ST6GAL2: variants seen among roughly 807,000 people sequenced by gnomAD.
ST6GAL2 encodes the protein beta-galactoside alpha-2,6-sialyltransferase 2.
Under a neutral mutation model 37.5 loss-of-function variants are expected in ST6GAL2, and 24 were observed. That is an observed-to-expected ratio of 0.64 (90% CI 0.46 to 0.90). The LOEUF is 0.90. Ranked by LOEUF, ST6GAL2 falls within the 40% of genes least tolerant of loss-of-function variation. ST6GAL2 has a pLI of 0.00. For synonymous variants in ST6GAL2, 306 were observed against 295.1 expected, an observed-to-expected ratio of 1.04 and a Z score of -0.38; for missense variants, 715 against 712.7, an observed-to-expected ratio of 1.00 and a Z score of -0.04.
intron 5 of ST6GAL2, among the ~76,000 whole-genome samples, chr2:106,824,380 C>G (rs2104448688): frequency 6.6e-6 from 1 of 152,310 alleles, no homozygotes; most frequent in East Asian, 1.9e-4. Context: ...TGCCTGTAAT[C>G]CCAGCACTTT....
intron 1 of ST6GAL2, among the ~76,000 whole-genome samples, chr2:106,876,384 T>C (rs1374747415): frequency 6.6e-6 from 1 of 152,188 alleles, no homozygotes; most frequent in Non-Finnish European, 1.5e-5. Flanking sequence ...CAAAATGAAC[T>C]TCAGACAGCA....
chr2:106,804,865 G>GAA lies in ST6GAL2; in HGVS notation c.*1811_*1812dup, dbSNP rs1675368417. 1 of 132,952 alleles carries GAA rather than the reference G, an allele frequency of 7.5e-6. No homozygotes were observed. The highest frequency in any genetic ancestry group is 1.6e-5 in the Non-Finnish European group (1 of 60,872). 8.2% of individuals were successfully genotyped at this position (132,952 alleles called of 1,614,324 possible). Reference sequence around the variant, plus strand: ...TCAAAAAAAAAAAAAAAAAAGAAAAGAAAAGAAATTAGAAAGGAACATGGC... The same window carrying GAA: ...TCAAAAAAAAAAAAAAAAAAGAAAAGAAAAAAGAAATTAGAAAGGAACATGGC... On this transcript the variant is annotated 3_prime_UTR_variant, in exon 6 of 6. Coordinates refer to ENST00000409382, the MANE Select transcript of ST6GAL2 (RefSeq NM_001142351.2).
chr2:106,883,615 GA>G (rs1678840301), intron 1 of ST6GAL2, among the ~76,000 whole-genome samples: 1 of 152,010 alleles, frequency 6.6e-6, no homozygotes, highest in Admixed American at 6.6e-5. Context: ...TCAATGCTTA[GA>G]AAATCAAAGC....
intron 1 of ST6GAL2, among the ~76,000 whole-genome samples, chr2:106,870,816 C>T (rs1327113712): frequency 2.6e-5 from 4 of 152,128 alleles, no homozygotes; most frequent in African/African-American, 7.2e-5. Flanking sequence ...AGAAACCAAC[C>T]AGCAATGTAA....
intron 1 of ST6GAL2, among the ~76,000 whole-genome samples, chr2:106,850,998 G>T (rs1011074402): frequency 6.6e-5 from 10 of 152,170 alleles, no homozygotes; most frequent in Non-Finnish European, 1.3e-4. Flanking sequence ...GTCTACGATG[G>T]TTTAAGTGAC....
At position 106,803,612 on chromosome 2, in the gene ST6GAL2, TAACAACAACAACAACAAC is replaced by T. The variant is rs3841913; in HGVS notation, c.*3048_*3065del. 36 of 149,352 alleles carry T rather than the reference TAACAACAACAACAACAAC, an allele frequency of 2.4e-4. No homozygotes were observed. Among genetic ancestry groups the T allele is most frequent in the East Asian group, 3.9e-4 (2 of 5,072 alleles). 9.3% of individuals were successfully genotyped at this position (149,352 alleles called of 1,614,324 possible). ...TTGCTGCTCAAAATTTGTTTCTTTG[TAACAACAACAACAACAAC>T]AACAACAACAACAACAACAACAACA... On this transcript the variant is annotated 3_prime_UTR_variant, in exon 6 of 6. Transcript: ENST00000409382.
intron 1 of ST6GAL2, among the ~76,000 whole-genome samples, chr2:106,856,881 T>C (rs1677596237): frequency 1.3e-5 from 2 of 152,222 alleles, no homozygotes; most frequent in Admixed American, 6.5e-5. Context: ...TTTCATGACA[T>C]GAGGAACAGT....
At chr2:106,881,371 C>T (rs939146726) in intron 1 of ST6GAL2, among the ~76,000 whole-genome samples, 1 of 152,158 alleles carries the variant, frequency 6.6e-6, no homozygotes, top group Non-Finnish European at 1.5e-5. Context: ...ACAAACAAAT[C>T]CATTCATTTA....
At chr2:106,849,156 C>A (rs541886925) in intron 1 of ST6GAL2, among the ~76,000 whole-genome samples, 1 of 152,294 alleles carries the variant, frequency 6.6e-6, no homozygotes, top group South Asian at 2.1e-4. Flanking sequence ...AAACTCTGTA[C>A]TTAATCATAT....
chr2:106,826,738 A>G (rs77652628), intron 5 of ST6GAL2, among the ~76,000 whole-genome samples: 5,541 of 152,280 alleles, frequency 0.036, 143 homozygotes, highest in Non-Finnish European at 0.056. Context: ...TTAGAAATAT[A>G]AGTAATGGCA....
At chr2:106,882,895 C>T (rs1340328550) in intron 1 of ST6GAL2, among the ~76,000 whole-genome samples, 4 of 152,214 alleles carry the variant, frequency 2.6e-5, no homozygotes, top group African/African-American at 4.8e-5. Flanking sequence ...AGAAGTCCTC[C>T]GCAGTGGGCA....
intron 1 of ST6GAL2, among the ~76,000 whole-genome samples, chr2:106,870,966 A>C (rs147642590): frequency 7.1e-4 from 108 of 152,348 alleles, no homozygotes; most frequent in African/African-American, 2.5e-3. Flanking sequence ...TGCTAATGAC[A>C]GAGACACATT....
intron 1 of ST6GAL2, among the ~76,000 whole-genome samples, chr2:106,850,239 A>C (rs1002965716): frequency 3.3e-5 from 5 of 152,176 alleles, no homozygotes; most frequent in Non-Finnish European, 7.4e-5. Context: ...AAATAAAGAG[A>C]AGAAGCACCT....
intron 5 of ST6GAL2, chr2:106,813,345 C>T (rs6739022): frequency 0.7 from 424,734 of 608,784 alleles, 151,730 homozygotes; most frequent in Non-Finnish European, 0.75. Context: ...AGATAATTAT[C>T]AAACCATTTA....
At chr2:106,852,630 G>T (rs895226537) in intron 1 of ST6GAL2, among the ~76,000 whole-genome samples, 2 of 152,190 alleles carry the variant, frequency 1.3e-5, no homozygotes, top group African/African-American at 4.8e-5. Context: ...TAAGTGGGGG[G>T]AATGTACTGC....
At chr2:106,813,157 G>C (rs1285000661) in intron 5 of ST6GAL2, 1 of 1,279,160 alleles carries the variant, frequency 7.8e-7, no homozygotes, top group East Asian at 3.1e-5. Flanking sequence ...CTGTCGTCCA[G>C]GCTGGAGTGC....
At chr2:106,872,100 A>G (rs1254619969) in intron 1 of ST6GAL2, among the ~76,000 whole-genome samples, 1 of 152,246 alleles carries the variant, frequency 6.6e-6, no homozygotes. Flanking sequence ...TACAACAGCT[A>G]CAAGTCTCTA....
At chr2:106,818,203 C>T (rs1227871514) in intron 5 of ST6GAL2, among the ~76,000 whole-genome samples, 1 of 152,152 alleles carries the variant, frequency 6.6e-6, no homozygotes, top group African/African-American at 2.4e-5. Flanking sequence ...GATTGTAGAG[C>T]CCTAGGACAT....
chr2:106,842,022 TCAAAATG>T (rs1177255805), intron 2 of ST6GAL2, among the ~76,000 whole-genome samples: 52 of 152,292 alleles, frequency 3.4e-4, no homozygotes, highest in Non-Finnish European at 2.4e-4. Context: ...CAGACGACTC[TCAAAATG>T]CAGGTGCGCT....
Sources: gnomAD v4.1 joint callset for allele counts (sites outside exome capture counted in the v4.1 genomes callset) on GRCh38, gnomAD v4.1.1 for gene constraint, MANE v1.5 for transcripts, NCBI Gene and HGNC (gene_info 2026-07-23, HGNC 2026-07-21) for gene names.